GADL1: variants seen among roughly 807,000 people sequenced by gnomAD.
The protein encoded by GADL1 is acidic amino acid decarboxylase GADL1.
Under a neutral mutation model 69.5 loss-of-function variants are expected in GADL1, and 71 were observed. The ratio of observed to expected loss-of-function variants is 1.02; its 90% CI spans 0.84 to 1.25. The LOEUF (loss-of-function observed/expected upper bound fraction) is 1.25, where lower values mean the gene tolerates loss of function less well. GADL1 is among the 50% of genes most tolerant of loss of function. GADL1 has a pLI of 0.00. For synonymous variants in GADL1, 254 were observed against 214.4 expected, an observed-to-expected ratio of 1.18 and a Z score of -1.62; for missense variants, 737 against 631.8, an observed-to-expected ratio of 1.17 and a Z score of -1.79.
chr3:30,843,475 C>T (rs970489392), intron 8 of GADL1, among the ~76,000 whole-genome samples: 2 of 152,056 alleles, frequency 1.3e-5, no homozygotes, highest in Non-Finnish European at 2.9e-5. Context: ...CCAGGATGGG[C>T]TAGATCTCCT....
intron 1 of GADL1, among the ~76,000 whole-genome samples, chr3:30,872,736 C>A (rs1698510199): frequency 6.6e-6 from 1 of 151,802 alleles, no homozygotes; most frequent in Non-Finnish European, 1.5e-5. Context: ...TTCTCTAATT[C>A]TGTGAGCTTT....
chr3:30,782,834 G>GTGAT (rs887921529), intron 13 of GADL1, among the ~76,000 whole-genome samples: 4 of 152,180 alleles, frequency 2.6e-5, no homozygotes, highest in African/African-American at 9.6e-5. Flanking sequence ...AAGAGATGGA[G>GTGAT]TGATGAATGG....
intron 14 of GADL1, among the ~76,000 whole-genome samples, chr3:30,764,777 G>GCT (rs1183095792): frequency 6.6e-6 from 1 of 152,142 alleles, no homozygotes; most frequent in Non-Finnish European, 1.5e-5. Flanking sequence ...TTCAGTGTCG[G>GCT]CTCACCCCAG....
At chr3:30,810,667 G>T (rs945664426) in intron 11 of GADL1, among the ~76,000 whole-genome samples, 1 of 152,114 alleles carries the variant, frequency 6.6e-6, no homozygotes, top group Admixed American at 6.5e-5. Context: ...GAAAGGGCAT[G>T]TTTGTGCAGT....
intron 14 of GADL1, among the ~76,000 whole-genome samples, chr3:30,734,466 G>C (rs1344947463): frequency 6.6e-6 from 1 of 152,136 alleles, no homozygotes; most frequent in Admixed American, 6.6e-5. Flanking sequence ...ATGGGCTTTG[G>C]ATTCAGCTAA....
At position 30,809,318 on chromosome 3, in the gene GADL1, T is replaced by C. The variant is rs138575811; in HGVS notation, c.1051-8230A>G. On this transcript the variant is annotated intron_variant, in intron 11 of 14. Transcript: ENST00000282538. The stretch of plus-strand genomic sequence containing the variant: ...AATATTTAAAATCATCCGGTTTGCA[T>C]ACAGCTTGGAGAGAGAACTTATTTT... Among the ~76,000 whole-genome samples the C allele has an allele frequency of 2.9e-4, 44 of 152,348 alleles. No individual in the cohort carries two copies. The East Asian group carries it at 7.9e-3, about 27-fold the overall frequency.
At chr3:30,743,814 G>T (rs1240052259) in intron 14 of GADL1, among the ~76,000 whole-genome samples, 1 of 152,174 alleles carries the variant, frequency 6.6e-6, no homozygotes, top group African/African-American at 2.4e-5. Flanking sequence ...TGCTGTAGGA[G>T]GAGTACATAT....
At chr3:30,747,311 G>A (rs812125) in intron 14 of GADL1, among the ~76,000 whole-genome samples, 127,642 of 152,214 alleles carry the variant, frequency 0.84, 54,028 homozygotes, top group African/African-American at 0.95. Context: ...CCAGACCTTA[G>A]ACACACCACG....
At chr3:30,856,006 T>G (rs1698226327) in intron 3 of GADL1, among the ~76,000 whole-genome samples, 1 of 151,946 alleles carries the variant, frequency 6.6e-6, no homozygotes, top group African/African-American at 2.4e-5. Flanking sequence ...ATGATTGATT[T>G]CCATGGTAAC....
intron 14 of GADL1, among the ~76,000 whole-genome samples, chr3:30,771,679 A>C (rs540599482): frequency 2.0e-5 from 3 of 152,238 alleles, no homozygotes; most frequent in Non-Finnish European, 2.9e-5. Flanking sequence ...AACATTTTTT[A>C]AAGTGCTGCA....
chr3:30,734,528 A>G (rs567007725), intron 14 of GADL1, among the ~76,000 whole-genome samples: 9 of 152,316 alleles, frequency 5.9e-5, no homozygotes, highest in Admixed American at 2.0e-4. Flanking sequence ...GGTTGTTACT[A>G]AATGAACAGC....
intron 14 of GADL1, among the ~76,000 whole-genome samples, chr3:30,762,096 C>CT (rs956942000): frequency 8.7e-4 from 133 of 152,176 alleles, no homozygotes; most frequent in Non-Finnish European, 7.4e-4. Flanking sequence ...GACTGCCCTG[C>CT]TTAGGAACCC....
chr3:30,754,735 G>C (rs1695924077), intron 14 of GADL1, among the ~76,000 whole-genome samples: 1 of 152,212 alleles, frequency 6.6e-6, no homozygotes, highest in Non-Finnish European at 1.5e-5. Flanking sequence ...AAATTAAGCA[G>C]TGAGATGTTT....
At chr3:30,875,715 C>T (rs913133806) in intron 1 of GADL1, among the ~76,000 whole-genome samples, 1 of 151,872 alleles carries the variant, frequency 6.6e-6, no homozygotes. Context: ...ATCCAGTATT[C>T]TCTGTGGCCC....
intron 8 of GADL1, 83 bp from the exon 9 acceptor site, chr3:30,839,196 T>G: frequency 1.2e-6 from 1 of 848,566 alleles, no homozygotes. Context: ...TAAAGGGTTA[T>G]GCATCCAGAG....
intron 14 of GADL1, among the ~76,000 whole-genome samples, chr3:30,768,673 G>A (rs1017367083): frequency 1.3e-5 from 2 of 152,120 alleles, no homozygotes; most frequent in Admixed American, 6.5e-5. Context: ...GTTTGCTTTG[G>A]AGAAGGGATG....
chr3:30,834,361 A>T, intron 9 of GADL1, 80 bp from the exon 10 acceptor site: 2 of 1,079,332 alleles, frequency 1.9e-6, no homozygotes, highest in Non-Finnish European at 2.9e-6. Flanking sequence ...GAAAACCCTC[A>T]GTGAGGACCT....
At chr3:30,885,453 A>C (rs1021820707) in intron 1 of GADL1, among the ~76,000 whole-genome samples, 7 of 152,142 alleles carry the variant, frequency 4.6e-5, no homozygotes, top group Non-Finnish European at 8.8e-5. Flanking sequence ...GTAAGTGAGA[A>C]AAGCATTTAA....
chr3:30,765,051 C>T (rs1361938650), intron 14 of GADL1, among the ~76,000 whole-genome samples: 9 of 152,150 alleles, frequency 5.9e-5, no homozygotes, highest in African/African-American at 2.2e-4. Flanking sequence ...TCCTTCCGAA[C>T]TGATGATTTG....
Sources: allele counts gnomAD v4.1 joint callset (sites outside exome capture counted in the v4.1 genomes callset), GRCh38; gene constraint gnomAD v4.1.1; transcripts MANE v1.5; gene names NCBI Gene and HGNC (gene_info 2026-07-23, HGNC 2026-07-21).